The following SUSD5 variants were observed in gnomAD, a reference collection of about 807,000 sequenced individuals.
The protein encoded by SUSD5 is sushi domain-containing protein 5.
Under a neutral mutation model 29.5 loss-of-function variants are expected in SUSD5, and 33 were observed. That is an observed-to-expected ratio of 1.12 (90% CI 0.85 to 1.49). The LOEUF is 1.49. Ranked by LOEUF, SUSD5 falls within the 40% of genes most tolerant of loss-of-function variation. The pLI is 0.00. For missense variants in SUSD5, 776 were observed against 800.6 expected (o/e 0.97, Z 0.37); for synonymous variants, 308 against 325.3 (o/e 0.95, Z 0.57).
intron 3 of SUSD5, among the ~76,000 whole-genome samples, chr3:33,185,003 A>G (rs2031749315): frequency 6.6e-6 from 1 of 152,238 alleles, no homozygotes; most frequent in Non-Finnish European, 1.5e-5. Context: ...TCTGAGCAAA[A>G]GCCACTGTGG....
intron 3 of SUSD5, among the ~76,000 whole-genome samples, chr3:33,202,932 T>G (rs1364483674): frequency 6.6e-6 from 1 of 152,210 alleles, no homozygotes; most frequent in Admixed American, 6.5e-5. Context: ...CTGCCATTTT[T>G]GGAATTAGCA....
intron 4 of SUSD5, among the ~76,000 whole-genome samples, chr3:33,160,211 G>C (rs530119028): frequency 6.6e-6 from 1 of 152,250 alleles, no homozygotes; most frequent in African/African-American, 2.4e-5. Context: ...CTGGTCTCAA[G>C]CAATCCTCCC....
intron 1 of SUSD5, 139 bp downstream of exon 1, chr3:33,218,547 G>A: frequency 1.3e-6 from 1 of 781,718 alleles, no homozygotes; most frequent in East Asian, 3.4e-5. Context: ...TGGGTCGCAG[G>A]ACCGCGGCTC....
intron 4 of SUSD5, among the ~76,000 whole-genome samples, chr3:33,164,969 A>AACACACACACACAC (rs34551240): frequency 7.2e-4 from 106 of 147,034 alleles, no homozygotes; most frequent in East Asian, 1.2e-3. Flanking sequence ...ACTAAAGTTG[A>AACACACACACACAC]ACACACACAC....
chr3:33,206,850 A>C (rs944279182), intron 3 of SUSD5, among the ~76,000 whole-genome samples: 23 of 152,202 alleles, frequency 1.5e-4, no homozygotes, highest in Non-Finnish European at 2.9e-4. Context: ...TAAAAAACCC[A>C]GAACATTTAA....
At chr3:33,177,625 C>T (rs967926877) in intron 3 of SUSD5, among the ~76,000 whole-genome samples, 13 of 152,078 alleles carry the variant, frequency 8.5e-5, no homozygotes, top group African/African-American at 3.1e-4. Context: ...CCTCCCACCT[C>T]GGCCTTCCAA....
Position 33,209,352 on chromosome 3 carries a change from T to C in SUSD5, c.291-1426A>G, listed in dbSNP as rs181207557. Among the ~76,000 whole-genome samples the C allele has an allele frequency of 1.4e-4, 22 of 152,290 alleles. No individual in the cohort carries two copies. In the East Asian group the frequency reaches 4.2e-3, roughly 29 times the overall value. Reference sequence around the variant, plus strand: ...TTTCTTCAATTGTGGATCATTTTCATATTACTTTTATTCTATTTTCTTTTA... The same window carrying C: ...TTTCTTCAATTGTGGATCATTTTCACATTACTTTTATTCTATTTTCTTTTA... On this transcript the variant is annotated intron_variant, in intron 2 of 4. Transcript: ENST00000309558.
chr3:33,197,222 G>A (rs1412719993), intron 3 of SUSD5, among the ~76,000 whole-genome samples: 2 of 152,110 alleles, frequency 1.3e-5, no homozygotes, highest in Non-Finnish European at 2.9e-5. Context: ...GAAGGTGCAT[G>A]GGTGAGAGGT....
chr3:33,168,632 G>A, intron 4 of SUSD5: 1 of 958,854 alleles, frequency 1.0e-6, no homozygotes. Flanking sequence ...ATCAGGACAG[G>A]ATATGCCTGG....
At position 33,190,566 on chromosome 3, in the gene SUSD5, T is replaced by C. The variant is rs114565365; in HGVS notation, c.410-15492A>G. Among the ~76,000 whole-genome samples the C allele has an allele frequency of 8.2e-3, 1,244 of 152,338 alleles. 6 individuals are homozygous for C. The highest frequency in any genetic ancestry group is 0.013 in the Non-Finnish European group (872 of 68,022). On this transcript the variant is annotated intron_variant, in intron 3 of 4. Coordinates refer to ENST00000309558, the MANE Select transcript of SUSD5 (RefSeq NM_015551.2). Reference sequence around the variant, plus strand: ...GGCCCCCTAGGGTGGGACATTAACTTTGTTTCTATTTCTTCCTTACTAAAT... The same window carrying C: ...GGCCCCCTAGGGTGGGACATTAACTCTGTTTCTATTTCTTCCTTACTAAAT...
At chr3:33,165,691 C>T (rs1209925422) in intron 4 of SUSD5, among the ~76,000 whole-genome samples, 1 of 152,170 alleles carries the variant, frequency 6.6e-6, no homozygotes, top group African/African-American at 2.4e-5. Context: ...AATTTCACCT[C>T]ATCATGTTCA....
At chr3:33,218,659 C>G (rs117206167) in intron 1 of SUSD5, 27 bp downstream of exon 1, 7 of 1,275,866 alleles carry the variant, frequency 5.5e-6, no homozygotes, top group East Asian at 6.3e-5. Context: ...GCTCCACCCC[C>G]CGCCCCGCCG....
chr3:33,154,930 A>G (rs1264067749), intron 4 of SUSD5, among the ~76,000 whole-genome samples: 1 of 152,236 alleles, frequency 6.6e-6, no homozygotes, highest in African/African-American at 2.4e-5. Flanking sequence ...ATGGAAATGC[A>G]ATGGATGGAA....
chr3:33,203,977 T>C (rs1157776375), intron 3 of SUSD5, among the ~76,000 whole-genome samples: 1 of 151,548 alleles, frequency 6.6e-6, no homozygotes, highest in African/African-American at 2.4e-5. Context: ...TGCAGTGGCA[T>C]GATCATAGCT....
At chr3:33,205,717 T>C (rs1484706825) in intron 3 of SUSD5, among the ~76,000 whole-genome samples, 1 of 152,232 alleles carries the variant, frequency 6.6e-6, no homozygotes, top group African/African-American at 2.4e-5. Context: ...CATGGCTCAG[T>C]TGCCCTTGTC....
intron 3 of SUSD5, among the ~76,000 whole-genome samples, chr3:33,193,176 G>C (rs2031930694): frequency 6.6e-6 from 1 of 152,166 alleles, no homozygotes; most frequent in East Asian, 1.9e-4. Context: ...AAAAAGTCTA[G>C]AATTCGTCCA....
At chr3:33,217,340 G>A (rs2032442971) in intron 1 of SUSD5, among the ~76,000 whole-genome samples, 1 of 152,176 alleles carries the variant, frequency 6.6e-6, no homozygotes, top group African/African-American at 2.4e-5. Context: ...CTGCTAATAG[G>A]TATGGGATTC....
intron 4 of SUSD5, among the ~76,000 whole-genome samples, chr3:33,168,348 A>G (rs1461965487): frequency 6.6e-6 from 1 of 152,242 alleles, no homozygotes; most frequent in Non-Finnish European, 1.5e-5. Context: ...AAACCTCTGA[A>G]CAAATATGGC....
chr3:33,161,527 C>T (rs957144613), intron 4 of SUSD5, among the ~76,000 whole-genome samples: 3 of 151,944 alleles, frequency 2.0e-5, no homozygotes, highest in East Asian at 1.9e-4. Context: ...CCAAATCTAC[C>T]GATGGTTAAA....
Sources: allele counts gnomAD v4.1 joint callset (sites outside exome capture counted in the v4.1 genomes callset), GRCh38; gene constraint gnomAD v4.1.1; transcripts MANE v1.5; gene names NCBI Gene and HGNC (gene_info 2026-07-23, HGNC 2026-07-21).